Variants in NRG3 observed in about 807,000 individuals in gnomAD.
NRG3 encodes pro-neuregulin-3, membrane-bound isoform.
Under a neutral mutation model 66.9 loss-of-function variants are expected in NRG3, and 31 were observed. The ratio of observed to expected loss-of-function variants is 0.46; its 90% confidence interval spans 0.35 to 0.63. The LOEUF is 0.63. NRG3 is among the 20% of genes least tolerant of loss of function. The probability of loss-of-function intolerance (pLI) is 0.00; values close to 1 mark genes in which losing one functional copy is unlikely to be tolerated. For synonymous variants in NRG3, 393 were observed against 359.4 expected (o/e 1.09, Z -1.06); for missense variants, 910 against 878.9 (o/e 1.04, Z -0.45).
At chr10:82,671,053 T>C (rs770408473) in intron 2 of NRG3, among the ~76,000 whole-genome samples, 17 of 152,156 alleles carry the variant, frequency 1.1e-4, no homozygotes, top group Non-Finnish European at 2.2e-4. Flanking sequence ...GGAAGGCAGC[T>C]GTGACAATGA....
chr10:82,911,209 G>T (rs1442871816), intron 4 of NRG3, among the ~76,000 whole-genome samples: 1 of 152,102 alleles, frequency 6.6e-6, no homozygotes, highest in Non-Finnish European at 1.5e-5. Context: ...TACGTCTAAA[G>T]AATGGGATAT....
At chr10:81,930,520 AAAAG>A (rs1220422328) in intron 1 of NRG3, among the ~76,000 whole-genome samples, 8 of 152,112 alleles carry the variant, frequency 5.3e-5, no homozygotes, top group Admixed American at 2.6e-4. Flanking sequence ...GAAAAAAAAA[AAAAG>A]AAAAAGGAAA....
intron 1 of NRG3, among the ~76,000 whole-genome samples, chr10:82,081,544 T>A (rs1297511963): frequency 6.6e-6 from 1 of 152,144 alleles, no homozygotes. Flanking sequence ...TCGCCCTAGG[T>A]TAACAGTCTT....
At chr10:81,924,151 T>C (rs1052273303) in intron 1 of NRG3, among the ~76,000 whole-genome samples, 1 of 152,118 alleles carries the variant, frequency 6.6e-6, no homozygotes, top group African/African-American at 2.4e-5. Context: ...TGGGAGCAGG[T>C]AGGGCTGGTG....
intron 1 of NRG3, among the ~76,000 whole-genome samples, chr10:82,060,217 T>C (rs2064069345): frequency 6.6e-6 from 1 of 152,364 alleles, no homozygotes; most frequent in African/African-American, 2.4e-5. Context: ...TATGAAGGCA[T>C]GAGCATTTCC....
chr10:82,730,270 G>C (rs958996117), intron 2 of NRG3, among the ~76,000 whole-genome samples: 11 of 151,658 alleles, frequency 7.3e-5, no homozygotes, highest in African/African-American at 2.7e-4. Flanking sequence ...ATTTTTAGTA[G>C]AGACAGGGTT....
chr10:82,474,402 A>G (rs1841567249), intron 2 of NRG3, among the ~76,000 whole-genome samples: 1 of 152,214 alleles, frequency 6.6e-6, no homozygotes, highest in South Asian at 2.1e-4. Flanking sequence ...AAATGAGAAT[A>G]TCAACAAAGA....
At chr10:82,489,434 C>T (rs1426993560) in intron 2 of NRG3, among the ~76,000 whole-genome samples, 1 of 152,142 alleles carries the variant, frequency 6.6e-6, no homozygotes, top group Non-Finnish European at 1.5e-5. Flanking sequence ...ATAGGGCAGT[C>T]TCTGTGTCTA....
intron 3 of NRG3, among the ~76,000 whole-genome samples, chr10:82,864,066 G>T (rs1273401934): frequency 2.0e-5 from 3 of 152,110 alleles, no homozygotes; most frequent in Non-Finnish European, 4.4e-5. Context: ...AGGATAGAAA[G>T]TAGATTAGAA....
intron 1 of NRG3, among the ~76,000 whole-genome samples, chr10:81,939,535 G>T (rs980529386): frequency 1.3e-5 from 2 of 151,330 alleles, no homozygotes; most frequent in Non-Finnish European, 3.0e-5. Context: ...CTTTCTTCTA[G>T]GTTTCCCCGT....
chr10:82,241,781 G>T (rs2077017280), intron 1 of NRG3, among the ~76,000 whole-genome samples: 1 of 152,122 alleles, frequency 6.6e-6, no homozygotes. Context: ...TGGCATTAAA[G>T]AATGACTTTT....
At chr10:82,960,488 A>G (rs1296463913) in intron 6 of NRG3, among the ~76,000 whole-genome samples, 1 of 149,956 alleles carries the variant, frequency 6.7e-6, no homozygotes, top group African/African-American at 2.5e-5. Flanking sequence ...TTTTTGAGAA[A>G]GAAAGAAGTA....
At chr10:82,885,611 A>G (rs1842655205) in intron 4 of NRG3, among the ~76,000 whole-genome samples, 1 of 152,382 alleles carries the variant, frequency 6.6e-6, no homozygotes, top group Admixed American at 6.5e-5. Flanking sequence ...CTTCAAAAAA[A>G]TAAAATACAA....
chr10:82,601,347 T>C (rs754696435), intron 2 of NRG3, among the ~76,000 whole-genome samples: 1 of 152,238 alleles, frequency 6.6e-6, no homozygotes, highest in Non-Finnish European at 1.5e-5. Flanking sequence ...TCACTACTGA[T>C]ATTTGTAATG....
At chr10:82,759,279 C>G (rs1405960154) in intron 3 of NRG3, among the ~76,000 whole-genome samples, 1 of 152,092 alleles carries the variant, frequency 6.6e-6, no homozygotes, top group Non-Finnish European at 1.5e-5. Flanking sequence ...GCATGAGGCC[C>G]TCACCAGATG....
chr10:82,462,585 G>A (rs1369098092), intron 2 of NRG3, among the ~76,000 whole-genome samples: 2 of 152,078 alleles, frequency 1.3e-5, no homozygotes, highest in Non-Finnish European at 1.5e-5. Flanking sequence ...AAGGGTCAGT[G>A]AGGAGATGGG....
At chr10:82,493,168 G>T (rs958745491) in intron 2 of NRG3, among the ~76,000 whole-genome samples, 1 of 152,028 alleles carries the variant, frequency 6.6e-6, no homozygotes, top group Non-Finnish European at 1.5e-5. Context: ...AGGATGTGCA[G>T]GTTTGTTACA....
chr10:82,660,231 A>AAAAAAAAAAG, intron 2 of NRG3, among the ~76,000 whole-genome samples: 1 of 142,440 alleles, frequency 7.0e-6, no homozygotes, highest in East Asian at 2.1e-4. Flanking sequence ...AAAAAAAAAA[A>AAAAAAAAAAG]AAAACTGGAA....
chr10:82,625,456 G>C (rs923119653), intron 2 of NRG3, among the ~76,000 whole-genome samples: 1 of 152,166 alleles, frequency 6.6e-6, no homozygotes, highest in African/African-American at 2.4e-5. Flanking sequence ...AATGCAGAAA[G>C]ACAAGTGGTT....
Sources: gnomAD v4.1 joint callset for allele counts (sites outside exome capture counted in the v4.1 genomes callset) on GRCh38, gnomAD v4.1.1 for gene constraint, MANE v1.5 for transcripts, NCBI Gene and HGNC (gene_info 2026-07-23, HGNC 2026-07-21) for gene names.